Variants in LNX2 observed in about 807,000 individuals in gnomAD.
LNX2 encodes ligand of Numb protein X 2.
A neutral mutation model predicts 66.2 loss-of-function variants in LNX2; 35 were observed. The ratio of observed to expected loss-of-function variants is 0.53; its 90% confidence interval spans 0.40 to 0.70. The LOEUF (loss-of-function observed/expected upper bound fraction) is 0.70. LNX2 is among the 30% of genes least tolerant of loss of function. The pLI, the probability that LNX2 is intolerant of heterozygous loss-of-function variation, is 0.00. For synonymous variants in LNX2, 337 were observed against 315.6 expected (o/e 1.07, Z -0.72); for missense variants, 791 against 850.8 (o/e 0.93, Z 0.87).
intron 2 of LNX2, among the ~76,000 whole-genome samples, chr13:27,577,529 A>G (rs1224455121): frequency 6.6e-6 from 1 of 152,152 alleles, no homozygotes; most frequent in Non-Finnish European, 1.5e-5. Flanking sequence ...ATACACTAAC[A>G]TCAATGATAG....
intron 4 of LNX2, among the ~76,000 whole-genome samples, chr13:27,567,297 G>T (rs1176103124): frequency 2.6e-5 from 4 of 152,186 alleles, no homozygotes; most frequent in East Asian, 3.9e-4. Context: ...CCAATGAGAT[G>T]ATAATTTCAA....
At chr13:27,565,379 T>A (rs781605582) in intron 4 of LNX2, among the ~76,000 whole-genome samples, 1 of 152,172 alleles carries the variant, frequency 6.6e-6, no homozygotes, top group Non-Finnish European at 1.5e-5. Context: ...AGCCCAGAAG[T>A]GGGAGAGTCA....
At chr13:27,553,138 A>T in intron 8 of LNX2, 70 bp downstream of exon 8, 1 of 1,265,838 alleles carries the variant, frequency 7.9e-7, no homozygotes, top group Non-Finnish European at 1.1e-6. Context: ...TAAATTTATC[A>T]TGCTACACAC....
At chr13:27,591,279 C>G (rs1442319590) in intron 1 of LNX2, among the ~76,000 whole-genome samples, 1 of 152,248 alleles carries the variant, frequency 6.6e-6, no homozygotes, top group South Asian at 2.1e-4. Context: ...TCATATATAT[C>G]AAATATCCCT....
At chr13:27,566,676 A>G (rs986354375) in intron 4 of LNX2, among the ~76,000 whole-genome samples, 4 of 152,170 alleles carry the variant, frequency 2.6e-5, no homozygotes, top group Admixed American at 6.5e-5. Context: ...TATGAAGAAG[A>G]GAAGTCCTAG....
intron 8 of LNX2, 128 bp from the exon 9 acceptor site, chr13:27,550,619 T>C (rs1047572404): frequency 3.0e-6 from 2 of 662,268 alleles, no homozygotes; most frequent in Admixed American, 5.9e-5. Flanking sequence ...TATTAATAAA[T>C]AGATTATTTT....
chr13:27,619,849 T>C (rs1178700275), intron 1 of LNX2, among the ~76,000 whole-genome samples: 1 of 152,146 alleles, frequency 6.6e-6, no homozygotes, highest in East Asian at 1.9e-4. Context: ...CAAATCTCTC[T>C]CCCACCCTCT....
chr13:27,595,499 GCCTTACCAATCCTA>G (rs1413481144), intron 1 of LNX2, among the ~76,000 whole-genome samples: 1 of 151,998 alleles, frequency 6.6e-6, no homozygotes, highest in Non-Finnish European at 1.5e-5. Context: ...ACTTTTACCT[GCCTTACCAATCCTA>G]CCAATTTTGT....
intron 2 of LNX2, among the ~76,000 whole-genome samples, chr13:27,574,084 C>G (rs1955317012): frequency 6.6e-6 from 1 of 152,002 alleles, no homozygotes; most frequent in Admixed American, 6.6e-5. Flanking sequence ...GATGTCTTAT[C>G]AAAAAGAAAA....
Position 27,581,348 on chromosome 13 carries a change from A to C in LNX2, c.356T>G (p.Val119Gly), listed in dbSNP as rs974109347. 26 of 1,557,402 alleles carry C rather than the reference A, an allele frequency of 1.7e-5. No homozygotes were observed. The highest frequency in any genetic ancestry group is 2.0e-5 in the Non-Finnish European group (23 of 1,148,716). The stretch of plus-strand genomic sequence containing the variant: ...ACAACGTTGCATTACATCTTTGCAC[A>C]CTGAAGAAAATGGACATAAAACTAA... The part of the protein sequence containing the change: ...KLLVLCPFSS[V>G]CKDVMQRCDL... The change falls in exon 2 of 10, where the codon GTG (valine) becomes GGG (glycine). Residue 119 changes from valine (V) to glycine (G), a missense_variant. Coordinates refer to ENST00000316334, the MANE Select transcript of LNX2 (RefSeq NM_153371.4).
At chr13:27,612,071 G>A (rs555325674) in intron 1 of LNX2, among the ~76,000 whole-genome samples, 14 of 152,324 alleles carry the variant, frequency 9.2e-5, no homozygotes, top group African/African-American at 3.1e-4. Context: ...GGTAAAGTTC[G>A]GAAAGGGAGA....
intron 1 of LNX2, 65 bp downstream of exon 1, chr13:27,620,310 C>G (rs1046613601): frequency 6.6e-6 from 1 of 152,146 alleles, no homozygotes; most frequent in Non-Finnish European, 1.5e-5. Context: ...ACGCCCGCAC[C>G]TGAGGCGGCT....
Position 27,583,222 on chromosome 13 carries a change from GT to G in LNX2, c.-100-1420del, listed in dbSNP as rs1955430623. Among the ~76,000 whole-genome samples the G allele has an allele frequency of 2.8e-4, 6 of 21,460 alleles. 1 individual carries two copies. Among genetic ancestry groups the G allele is most frequent in the African/African-American group, 1.4e-3 (3 of 2,144 alleles). The allele number at this position is 21,460 out of a possible 152,430, so 14.1% of individuals were successfully genotyped here. ...TGTGTGTGTGTGTGTGTGTGTGTGT[GT>G]GTGTGTGTGTGTGTGTGTGTGTGTG... On this transcript the variant is annotated intron_variant, in intron 1 of 9. Transcript: ENST00000316334.
At chr13:27,595,750 T>C (rs1398380932) in intron 1 of LNX2, among the ~76,000 whole-genome samples, 1 of 152,226 alleles carries the variant, frequency 6.6e-6, no homozygotes, top group Admixed American at 6.5e-5. Context: ...CAAATCTCTC[T>C]GTTTCCAATA....
At position 27,567,797 on chromosome 13, in the gene LNX2, G is replaced by A. The variant is rs142458399; in HGVS notation, c.698C>T (p.Thr233Met). The A allele has an allele frequency of 9.3e-6, 15 of 1,613,890 alleles. No homozygotes were observed. In the East Asian group the frequency reaches 1.1e-4, roughly 12 times the overall value. The change falls in exon 4 of 10, where the codon ACG (threonine) becomes ATG (methionine). Residue 233 changes from threonine to methionine, a missense_variant. Coordinates refer to ENST00000316334, the MANE Select transcript of LNX2 (RefSeq NM_153371.4). ...AGGATTGGACCGATGAATTTCAATC[G>A]TGGTGATTTCTCCTTCTGGTAAACT... ...PLSLPEGEIT[T>M]IEIHRSNPYI...
intron 2 of LNX2, among the ~76,000 whole-genome samples, chr13:27,578,305 ACT>A (rs1366745905): frequency 6.6e-6 from 1 of 152,148 alleles, no homozygotes. Context: ...TTATACAATG[ACT>A]CTTTGTTGCT....
In LNX2 at chr13:27,547,310, T is replaced by G. The variant is rs969056929; in HGVS notation, c.*1025A>C. On this transcript the variant is annotated 3_prime_UTR_variant, in exon 10 of 10. Transcript: ENST00000316334. ...CATTCCTCTGGAAATAGATTTTTAA[T>G]GCTTTTGGGCTGTTCAAGTAAGTGC... 6.6e-6 allele frequency: 1 copy of G among 152,224 alleles called. No homozygotes were observed. Among genetic ancestry groups the G allele is most frequent in the Non-Finnish European group, 1.5e-5 (1 of 68,030 alleles). 9.4% of individuals were successfully genotyped at this position (152,224 alleles called of 1,614,324 possible). A position where few individuals can be genotyped will look rare whatever the true frequency, so the allele number is the denominator to read the frequency against.
chr13:27,609,905 G>A (rs747710675), intron 1 of LNX2, among the ~76,000 whole-genome samples: 6 of 152,120 alleles, frequency 3.9e-5, no homozygotes, highest in Non-Finnish European at 8.8e-5. Flanking sequence ...ACATATACCG[G>A]AAAAAGAATA....
chr13:27,620,752 T>A (rs1955896042), upstream of LNX2: 1 of 152,334 alleles, frequency 6.6e-6, no homozygotes, highest in Non-Finnish European at 1.5e-5. Flanking sequence ...CACTCCGCCC[T>A]CGCCGCCCGC....
Sources: gnomAD v4.1 joint callset for allele counts (sites outside exome capture counted in the v4.1 genomes callset) on GRCh38, gnomAD v4.1.1 for gene constraint, MANE v1.5 for transcripts, NCBI Gene and HGNC (gene_info 2026-07-23, HGNC 2026-07-21) for gene names.